The following NRXN1 variants were observed in gnomAD, a reference collection of about 807,000 sequenced individuals.
NRXN1 encodes neurexin-1.
In NRXN1, 39 loss-of-function variants were observed where a neutral mutation model predicts 150.9. That is an observed-to-expected ratio of 0.26 (90% CI 0.20 to 0.34). The LOEUF (loss-of-function observed/expected upper bound fraction) is 0.34. Among genes scored for constraint, NRXN1 ranks in the 10% least tolerant of loss-of-function variants. The probability of loss-of-function intolerance (pLI) is 1.00; values close to 1 mark genes in which losing one functional copy is unlikely to be tolerated. For missense variants in NRXN1, 1,815 were observed against 1,949.9 expected (o/e 0.93, Z 1.30); for synonymous variants, 924 against 757.0 (o/e 1.22, Z -3.62).
intron 22 of NRXN1, among the ~76,000 whole-genome samples, chr2:49,928,868 C>T (rs1669617865): frequency 6.6e-6 from 1 of 152,144 alleles, no homozygotes; most frequent in Non-Finnish European, 1.5e-5. Flanking sequence ...CCAATTCCAC[C>T]CATGCCTGCA....
chr2:50,254,970 C>G (rs2067551918), intron 17 of NRXN1, among the ~76,000 whole-genome samples: 1 of 152,026 alleles, frequency 6.6e-6, no homozygotes, highest in African/African-American at 2.4e-5. Flanking sequence ...CCACACTTGG[C>G]TAATTTTTGT....
chr2:51,005,581 A>G (rs1700606805), intron 2 of NRXN1, among the ~76,000 whole-genome samples: 1 of 152,028 alleles, frequency 6.6e-6, no homozygotes, highest in Non-Finnish European at 1.5e-5. Context: ...AAAAGACAAT[A>G]ATTACCAACA....
intron 18 of NRXN1, among the ~76,000 whole-genome samples, chr2:50,170,076 T>C (rs922130325): frequency 3.0e-4 from 46 of 152,060 alleles, no homozygotes; most frequent in Non-Finnish European, 1.3e-4. Flanking sequence ...TTTACTTCTA[T>C]ATAATAAAAG....
chr2:50,124,126 C>T (rs978329581), intron 18 of NRXN1, among the ~76,000 whole-genome samples: 3 of 151,962 alleles, frequency 2.0e-5, no homozygotes, highest in Non-Finnish European at 2.9e-5. Flanking sequence ...GAAGAAAACC[C>T]AGGAAAGTGT....
At chr2:50,560,193 C>G (rs2105386343) in intron 8 of NRXN1, among the ~76,000 whole-genome samples, 2 of 152,236 alleles carry the variant, frequency 1.3e-5, no homozygotes, top group Middle Eastern at 3.4e-3. Flanking sequence ...ATGATTCTAG[C>G]AAAAATGTCA....
chr2:49,931,177 T>C (rs929235430), intron 22 of NRXN1, among the ~76,000 whole-genome samples: 1 of 152,290 alleles, frequency 6.6e-6, no homozygotes, highest in East Asian at 1.9e-4. Flanking sequence ...GCAAGGGGGT[T>C]GAACACTGAC....
intron 12 of NRXN1, among the ~76,000 whole-genome samples, chr2:50,526,371 G>C (rs2092952211): frequency 6.6e-6 from 1 of 152,220 alleles, no homozygotes; most frequent in South Asian, 2.1e-4. Context: ...AGAGATAATG[G>C]TGTTATCGGC....
chr2:50,282,180 G>A (rs1002435925), intron 17 of NRXN1, among the ~76,000 whole-genome samples: 1 of 152,176 alleles, frequency 6.6e-6, no homozygotes, highest in African/African-American at 2.4e-5. Context: ...AAGATAGGTA[G>A]AGCCTGTATC....
At chr2:50,259,133 C>T (rs919164456) in intron 17 of NRXN1, among the ~76,000 whole-genome samples, 4 of 152,082 alleles carry the variant, frequency 2.6e-5, no homozygotes, top group African/African-American at 9.6e-5. Flanking sequence ...TTTTGCACCT[C>T]TGAAAACAGG....
At chr2:50,227,672 G>T (rs1189330293) in intron 18 of NRXN1, among the ~76,000 whole-genome samples, 1 of 152,022 alleles carries the variant, frequency 6.6e-6, no homozygotes, top group Non-Finnish European at 1.5e-5. Context: ...CAGTGCAGAG[G>T]ATGGATTAGA....
chr2:50,660,193 G>C (rs1363783122), intron 5 of NRXN1, among the ~76,000 whole-genome samples: 1 of 151,982 alleles, frequency 6.6e-6, no homozygotes, highest in Non-Finnish European at 1.5e-5. Context: ...AATATTCTTT[G>C]TGGTAACTTT....
chr2:50,102,499 C>T (rs983580180), intron 18 of NRXN1, among the ~76,000 whole-genome samples: 1 of 152,042 alleles, frequency 6.6e-6, no homozygotes, highest in Non-Finnish European at 1.5e-5. Context: ...TTACTATACT[C>T]CTGGCACTCT....
chr2:50,668,310 A>G (rs749259403), intron 5 of NRXN1, among the ~76,000 whole-genome samples: 5 of 151,950 alleles, frequency 3.3e-5, no homozygotes, highest in Non-Finnish European at 7.4e-5. Context: ...TTTCAAGCTT[A>G]AGGGAATGGC....
chr2:50,264,286 G>A (rs534695137), intron 17 of NRXN1, among the ~76,000 whole-genome samples: 12 of 151,996 alleles, frequency 7.9e-5, no homozygotes, highest in African/African-American at 7.2e-5. Flanking sequence ...GCACACATAC[G>A]CACATAGAAA....
chr2:50,431,699 C>T (rs555858800), intron 17 of NRXN1, among the ~76,000 whole-genome samples: 6 of 152,284 alleles, frequency 3.9e-5, no homozygotes, highest in South Asian at 2.1e-4. Flanking sequence ...CTATTGTCCA[C>T]GGCTGCTTTC....
chr2:50,852,046 C>CA (rs1674593885), intron 5 of NRXN1, among the ~76,000 whole-genome samples: 8 of 152,104 alleles, frequency 5.3e-5, no homozygotes. Context: ...ATCTGAAAGG[C>CA]AAGGGACACA....
intron 5 of NRXN1, among the ~76,000 whole-genome samples, chr2:50,842,982 AAG>A (rs1673096764): frequency 6.6e-6 from 1 of 152,206 alleles, no homozygotes; most frequent in African/African-American, 2.4e-5. Context: ...GGTATTTAAT[AAG>A]AGAGAATCCA....
chr2:50,641,493 C>T (rs1209328393), intron 5 of NRXN1, among the ~76,000 whole-genome samples: 1 of 151,912 alleles, frequency 6.6e-6, no homozygotes, highest in Non-Finnish European at 1.5e-5. Context: ...CCGAAGAAGC[C>T]CTTCAGCCTT....
chr2:51,021,160 A>T (rs1669543090), intron 2 of NRXN1, among the ~76,000 whole-genome samples: 1 of 152,040 alleles, frequency 6.6e-6, no homozygotes, highest in Non-Finnish European at 1.5e-5. Flanking sequence ...AAAAAACTTT[A>T]AAAAATATAA....
Sources: allele counts gnomAD v4.1 joint callset (sites outside exome capture counted in the v4.1 genomes callset), GRCh38; gene constraint gnomAD v4.1.1; transcripts MANE v1.5; gene names NCBI Gene and HGNC (gene_info 2026-07-23, HGNC 2026-07-21).